Variants in PTCHD4 observed in about 807,000 individuals in gnomAD.
PTCHD4 encodes patched domain-containing protein 4.
PTCHD4 carries 33 observed loss-of-function variants against 58.1 expected under a neutral mutation model. The ratio of observed to expected loss-of-function variants is 0.57; its 90% CI spans 0.43 to 0.76. The LOEUF (loss-of-function observed/expected upper bound fraction) is 0.76, where lower values mean the gene tolerates loss of function less well. Ranked by LOEUF, PTCHD4 falls within the 30% of genes least tolerant of loss-of-function variation. The pLI, the probability that PTCHD4 is intolerant of heterozygous loss-of-function variation, is 0.00. For missense variants in PTCHD4, 1,058 were observed against 1,027.1 expected (o/e 1.03, Z -0.41); for synonymous variants, 478 against 409.6 (o/e 1.17, Z -2.02).
chr6:48,053,984 C>T (rs946398604), intron 3 of PTCHD4, among the ~76,000 whole-genome samples: 3 of 152,064 alleles, frequency 2.0e-5, no homozygotes, highest in South Asian at 2.1e-4. Flanking sequence ...CCTCTCATCC[C>T]GTCCACAAAA....
intron 1 of PTCHD4, among the ~76,000 whole-genome samples, chr6:48,075,508 A>AT (rs1765047908): frequency 6.6e-6 from 1 of 151,790 alleles, no homozygotes; most frequent in Non-Finnish European, 1.5e-5. Context: ...ACCTTGGTCA[A>AT]ATCATTCCAT....
chr6:48,097,871 G>A (rs1284175023), intron 1 of PTCHD4, among the ~76,000 whole-genome samples: 1 of 152,186 alleles, frequency 6.6e-6, no homozygotes, highest in Non-Finnish European at 1.5e-5. Flanking sequence ...ATGTGAAATA[G>A]GATGAGTCTG....
chr6:48,089,837 C>T (rs1765330742), intron 1 of PTCHD4, among the ~76,000 whole-genome samples: 1 of 152,214 alleles, frequency 6.6e-6, no homozygotes, highest in Non-Finnish European at 1.5e-5. Flanking sequence ...ATGATTAGGG[C>T]TTGCCATTTG....
chr6:48,096,999 T>A (rs1765484424), intron 1 of PTCHD4, among the ~76,000 whole-genome samples: 1 of 152,190 alleles, frequency 6.6e-6, no homozygotes, highest in Non-Finnish European at 1.5e-5. Context: ...AAATAATTTT[T>A]GCAATGTAAA....
intron 4 of PTCHD4, among the ~76,000 whole-genome samples, chr6:48,006,385 G>A (rs922996305): frequency 6.6e-6 from 1 of 152,082 alleles, no homozygotes; most frequent in South Asian, 2.1e-4. Flanking sequence ...TTTATTTTAT[G>A]GAATATGTAA....
intron 4 of PTCHD4, among the ~76,000 whole-genome samples, chr6:47,929,947 TTCTACAGCTTC>T (rs537682837): frequency 1.1e-3 from 172 of 152,352 alleles, no homozygotes; most frequent in Non-Finnish European, 2.0e-3. Flanking sequence ...TCTACAGCTT[TTCTACAGCTTC>T]TCAGATTCAC....
At chr6:48,050,858 T>G (rs973390005) in intron 3 of PTCHD4, among the ~76,000 whole-genome samples, 2 of 152,030 alleles carry the variant, frequency 1.3e-5, no homozygotes, top group African/African-American at 2.4e-5. Context: ...AAAACAAAAG[T>G]GCTGTCATAG....
intron 4 of PTCHD4, among the ~76,000 whole-genome samples, chr6:47,882,978 TTAAA>T (rs1206074960): frequency 1.3e-5 from 2 of 151,544 alleles, no homozygotes; most frequent in Admixed American, 6.6e-5. Context: ...TCTTTTTGAA[TTAAA>T]TAAACTATAA....
In PTCHD4 at chr6:47,875,403, T is replaced by G. The variant is rs570580550; in HGVS notation, c.*2900A>C. ...AGGAAATGGAATTCTTGGAAACATC[T>G]GTTTCACAGTGAGGTTGGGAGGTCA... On this transcript the variant is annotated 3_prime_UTR_variant, in exon 5 of 5. Coordinates refer to ENST00000339488, the MANE Select transcript of PTCHD4 (RefSeq NM_001384253.1). Among the ~76,000 whole-genome samples the G allele has an allele frequency of 6.6e-6, 1 of 151,994 alleles. No homozygotes were observed. The highest frequency in any genetic ancestry group is 2.4e-5 in the African/African-American group (1 of 41,526).
chr6:47,927,261 C>T (rs1254690469), intron 4 of PTCHD4, among the ~76,000 whole-genome samples: 3 of 152,210 alleles, frequency 2.0e-5, no homozygotes, highest in African/African-American at 7.2e-5. Context: ...CTCTGTGGGG[C>T]TGTGCCTCTT....
At chr6:47,941,949 G>A (rs2113926459) in intron 4 of PTCHD4, among the ~76,000 whole-genome samples, 1 of 152,304 alleles carries the variant, frequency 6.6e-6, no homozygotes, top group South Asian at 2.1e-4. Flanking sequence ...TTACTAGAAT[G>A]TGGACATTTC....
chr6:47,925,156 G>C (rs568811348), intron 4 of PTCHD4, among the ~76,000 whole-genome samples: 8 of 149,286 alleles, frequency 5.4e-5, no homozygotes, highest in Non-Finnish European at 8.9e-5. Context: ...ATATGTATAT[G>C]TGTTTATATG....
rs188498471 is a variant in PTCHD4, at chr6:47,998,860, A to G, written c.898+9774T>C. 1.3e-4 allele frequency among the ~76,000 whole-genome samples: 20 copies of G among 152,306 alleles called. No homozygotes were observed. The East Asian group carries it at 3.9e-3, about 29-fold the overall frequency. ...AAAAGAAGAACAGAGAAGGAAATAA[A>G]TAGGCAAGAAAATTAAAACTAAAGA... On this transcript the variant is annotated intron_variant, in intron 4 of 4. Transcript: ENST00000339488.
At position 47,879,932 on chromosome 6, in the gene PTCHD4, A is replaced by G. The variant is rs368336129; in HGVS notation, c.903T>C (p.His301=). 2.6e-6 allele frequency: 4 copies of G among 1,512,324 alleles called. No homozygotes were observed. In the African/African-American group the frequency reaches 5.7e-5, roughly 21 times the overall value. The allele number at this position is 1,512,324 out of a possible 1,614,324, so 93.7% of individuals were successfully genotyped here. The change falls in exon 5 of 5, where the codon CAT becomes CAC. Residue 301 remains histidine (H), a synonymous_variant. Transcript: ENST00000339488. ...GAAGCTCAAACACTCCTTTAGTTCC[A>G]TGACCTAATGTTTTAAAAAAAGAAA... ...LLGIPFFAMG[H]GTKGVFELLS...
In PTCHD4 at chr6:47,859,455, A is replaced by C. The variant is rs1475844014; in HGVS notation, c.*18848T>G. Among the ~76,000 whole-genome samples the C allele has an allele frequency of 2.0e-5, 3 of 152,034 alleles. No homozygotes were observed. The highest frequency in any genetic ancestry group is 4.4e-5 in the Non-Finnish European group (3 of 67,978). On this transcript the variant is annotated 3_prime_UTR_variant, in exon 5 of 5. Transcript: ENST00000339488. ...CAGTAAGTTTACCTTAAAATGACTTACTAGATAATGAGATACATCTAATAT... is the reference window on the plus strand; with the variant it reads ...CAGTAAGTTTACCTTAAAATGACTTCCTAGATAATGAGATACATCTAATAT...
chr6:47,932,485 G>A (rs751926196), intron 4 of PTCHD4, among the ~76,000 whole-genome samples: 1 of 152,204 alleles, frequency 6.6e-6, no homozygotes, highest in African/African-American at 2.4e-5. Context: ...ATACGATAAG[G>A]AGCATAAGGT....
intron 4 of PTCHD4, among the ~76,000 whole-genome samples, chr6:47,927,549 A>G (rs1205592124): frequency 6.6e-6 from 1 of 152,168 alleles, no homozygotes. Flanking sequence ...AAGGGATCAG[A>G]ACTGGATCTT....
At chr6:48,050,264 C>A (rs1441074300) in intron 3 of PTCHD4, among the ~76,000 whole-genome samples, 5 of 151,908 alleles carry the variant, frequency 3.3e-5, no homozygotes, top group Non-Finnish European at 7.4e-5. Context: ...ATAAAACTGA[C>A]TAAATTCCTT....
At chr6:47,915,168 A>G (rs1581871391) in intron 4 of PTCHD4, among the ~76,000 whole-genome samples, 1 of 152,158 alleles carries the variant, frequency 6.6e-6, no homozygotes, top group African/African-American at 2.4e-5. Flanking sequence ...AAAGCCATAA[A>G]AAGGGTTGCC....
Sources: gnomAD v4.1 joint callset for allele counts (sites outside exome capture counted in the v4.1 genomes callset) on GRCh38, gnomAD v4.1.1 for gene constraint, MANE v1.5 for transcripts, NCBI Gene and HGNC (gene_info 2026-07-23, HGNC 2026-07-21) for gene names.